Variants in NAT10 observed in about 807,000 individuals in gnomAD.
NAT10 encodes RNA cytidine acetyltransferase.
Under a neutral mutation model 132.2 loss-of-function variants are expected in NAT10, and 109 were observed. The observed-to-expected ratio is 0.82, with a 90% CI of 0.71 to 0.97. The LOEUF is 0.97. Among genes scored for constraint, NAT10 ranks in the 50% least tolerant of loss-of-function variants. The pLI is 0.00. For missense variants in NAT10, 1,184 were observed against 1,263.4 expected, an observed-to-expected ratio of 0.94 and a Z score of 0.95; for synonymous variants, 479 against 478.0, an observed-to-expected ratio of 1.00 and a Z score of -0.03.
At chr11:34,107,545 C>T (rs1372576848) in intron 1 of NAT10, among the ~76,000 whole-genome samples, 1 of 152,040 alleles carries the variant, frequency 6.6e-6, no homozygotes, top group African/African-American at 2.4e-5. Flanking sequence ...TTTTATTTTT[C>T]CCTCTGTTAT....
intron 4 of NAT10, among the ~76,000 whole-genome samples, chr11:34,112,892 A>G (rs1851719600): frequency 6.6e-6 from 1 of 152,248 alleles, no homozygotes. Flanking sequence ...CAAAAAAGAC[A>G]AGACAAAATT....
At chr11:34,127,764 G>A (rs931503122) in intron 12 of NAT10, among the ~76,000 whole-genome samples, 165 bp downstream of exon 12, 11 of 152,182 alleles carry the variant, frequency 7.2e-5, no homozygotes, top group African/African-American at 2.4e-4. Context: ...ATGGAAACTG[G>A]TCTCTTAATG....
At chr11:34,130,554 A>T (rs1215166454) in intron 12 of NAT10, among the ~76,000 whole-genome samples, 6 of 152,224 alleles carry the variant, frequency 3.9e-5, no homozygotes, top group African/African-American at 9.7e-5. Context: ...GCGAAAAGAG[A>T]TTCAGCTCCT....
At chr11:34,127,736 T>A (rs1215828796) in intron 12 of NAT10, 137 bp downstream of exon 12, 9 of 1,088,216 alleles carry the variant, frequency 8.3e-6, no homozygotes, top group Non-Finnish European at 1.2e-5. Flanking sequence ...TGCTTCATTC[T>A]CTACTGGGCT....
intron 26 of NAT10, 187 bp downstream of exon 26, chr11:34,142,004 G>A: frequency 1.6e-6 from 1 of 628,512 alleles, no homozygotes; most frequent in Non-Finnish European, 2.8e-6. Flanking sequence ...GCCTAGAGTT[G>A]TGCCTCCCAC....
Position 34,112,050 on chromosome 11 carries a change from A to G in NAT10, c.201-2A>G. ...CATGGGATTGGGGGTGTGTGATTGC[A>G]GTCACCGGAAGAAAAGAATGCGACA... On this transcript the variant is annotated splice_acceptor_variant, in intron 3 of 28. Coordinates refer to ENST00000257829, the MANE Select transcript of NAT10 (RefSeq NM_024662.3). LOFTEE classifies it high-confidence loss of function. 4 of 1,614,130 alleles carry G rather than the reference A, an allele frequency of 2.5e-6. No homozygotes were observed. Among genetic ancestry groups the G allele is most frequent in the Non-Finnish European group, 3.4e-6 (4 of 1,179,988 alleles).
Position 34,139,293 on chromosome 11 carries a change from T to C in NAT10, c.2308+6T>C, listed in dbSNP as rs767845107. 3 of 1,613,076 alleles carry C rather than the reference T, an allele frequency of 1.9e-6. No individual in the cohort carries two copies. Among genetic ancestry groups the C allele is most frequent in the African/African-American group, 2.7e-5 (2 of 74,600 alleles). ...GCTTGCAGCCTTCTGGAAAGGTGAC[T>C]GAGGAGTAGGGGTTTGGGGGAGACA... On this transcript the variant is annotated splice_donor_region_variant and intron_variant, in intron 22 of 28. Coordinates refer to ENST00000257829, the MANE Select transcript of NAT10 (RefSeq NM_024662.3).
intron 15 of NAT10, among the ~76,000 whole-genome samples, chr11:34,132,793 C>T (rs1367344719): frequency 2.6e-5 from 4 of 152,160 alleles, no homozygotes; most frequent in Non-Finnish European, 5.9e-5. Flanking sequence ...TTCTGTCCAG[C>T]CTCAGTGCTC....
In NAT10 at chr11:34,146,710, T is replaced by C. The variant is rs1852449282; in HGVS notation, c.*518T>C. The C allele has an allele frequency of 6.5e-6, 1 of 153,742 alleles. No individual in the cohort carries two copies. The highest frequency in any genetic ancestry group is 2.4e-5 in the African/African-American group (1 of 41,436). The allele number at this position is 153,742 out of a possible 1,614,324, so 9.5% of individuals were successfully genotyped here. Reference sequence around the variant, plus strand: ...TGCGCCAGGGTTTGCTGATGTTGTCTTGTGCTGTTCCACTCTTGGCTCCAG... The same window carrying C: ...TGCGCCAGGGTTTGCTGATGTTGTCCTGTGCTGTTCCACTCTTGGCTCCAG... On this transcript the variant is annotated 3_prime_UTR_variant, in exon 29 of 29. Transcript: ENST00000257829.
At chr11:34,115,409 G>A (rs1392774340) in intron 5 of NAT10, among the ~76,000 whole-genome samples, 1 of 152,110 alleles carries the variant, frequency 6.6e-6, no homozygotes, top group Non-Finnish European at 1.5e-5. Flanking sequence ...ACCCCCACTT[G>A]CTATCCGTGC....
intron 9 of NAT10, among the ~76,000 whole-genome samples, chr11:34,123,384 G>C (rs1183617181): frequency 6.6e-6 from 1 of 152,238 alleles, no homozygotes; most frequent in Non-Finnish European, 1.5e-5. Context: ...AAGCTAACTT[G>C]GAGGTTAGCT....
chr11:34,113,573 TG>T, intron 4 of NAT10, 142 bp from the exon 5 acceptor site: 1 of 991,344 alleles, frequency 1.0e-6, no homozygotes, highest in Non-Finnish European at 1.4e-6. Flanking sequence ...GAGGCTCAGG[TG>T]GGTGGTGAGC....
intron 21 of NAT10, 130 bp downstream of exon 21, chr11:34,137,156 G>A: frequency 1.1e-6 from 1 of 946,376 alleles, no homozygotes; most frequent in Non-Finnish European, 1.7e-6. Flanking sequence ...CTCTGAAGAG[G>A]TTTATTCTGA....
chr11:34,131,286 G>A (rs1480006469), intron 13 of NAT10, 95 bp from the exon 14 acceptor site: 2 of 1,477,822 alleles, frequency 1.4e-6, no homozygotes, highest in East Asian at 2.3e-5. Context: ...GGCCACCATG[G>A]GACAAATATA....
rs1228410751 is a variant in NAT10 at position 34,130,833 on chromosome 11, C to T, written c.1265C>T (p.Ser422Leu). The change falls in exon 13 of 29, where the codon TCA (serine) becomes TTA (leucine). Residue 422 changes from serine (S) to leucine (L), a missense_variant. Transcript: ENST00000257829. ...TINGYEGTGR[S>L]LSLKLIQQLR... ...TCTAGCTATGAGGGCACTGGCCGGT[C>T]ACTGTCCCTCAAGCTAATTCAGCAG... 2.5e-5 allele frequency: 41 copies of T among 1,614,172 alleles called. No individual in the cohort carries two copies. The highest frequency in any genetic ancestry group is 3.4e-5 in the Non-Finnish European group (40 of 1,180,018).
chr11:34,142,022 G>T, intron 26 of NAT10: 2 of 622,812 alleles, frequency 3.2e-6, no homozygotes, highest in Middle Eastern at 3.8e-4. Context: ...CACTGATTGT[G>T]TGTGTGTGTT....
chr11:34,140,615 G>A, intron 24 of NAT10, 43 bp downstream of exon 24: 2 of 1,589,710 alleles, frequency 1.3e-6, no homozygotes, highest in Non-Finnish European at 8.6e-7. Context: ...CGAGGATTGT[G>A]GAGCTGTTCA....
At chr11:34,125,959 C>A (rs148590717) in intron 11 of NAT10, among the ~76,000 whole-genome samples, 4 of 152,002 alleles carry the variant, frequency 2.6e-5, no homozygotes, top group African/African-American at 9.7e-5. Flanking sequence ...CCAGCCTGGG[C>A]GACAGAGTGA....
chr11:34,124,486 G>A, intron 11 of NAT10, 86 bp downstream of exon 11: 3 of 930,968 alleles, frequency 3.2e-6, no homozygotes, highest in Non-Finnish European at 5.0e-6. Flanking sequence ...TTATAGACAT[G>A]TATGTCTTGT....
Sources: gnomAD v4.1 joint callset for allele counts (sites outside exome capture counted in the v4.1 genomes callset) on GRCh38, gnomAD v4.1.1 for gene constraint, MANE v1.5 for transcripts, NCBI Gene and HGNC (gene_info 2026-07-23, HGNC 2026-07-21) for gene names.